Variants in RORA observed in about 807,000 individuals in gnomAD.
RORA encodes the protein nuclear receptor ROR-alpha.
A neutral mutation model predicts 69.5 loss-of-function variants in RORA; 7 were observed. That is an observed-to-expected ratio of 0.10 (90% CI 0.06 to 0.19). The LOEUF (loss-of-function observed/expected upper bound fraction) is 0.19. Among genes scored for constraint, RORA ranks in the 10% least tolerant of loss-of-function variants. The pLI is 1.00. For synonymous variants in RORA, 261 were observed against 240.8 expected, an observed-to-expected ratio of 1.08 and a Z score of -0.78; for missense variants, 457 against 663.0, an observed-to-expected ratio of 0.69 and a Z score of 3.41.
rs1356854929 is a variant in RORA at position 60,495,215 on chromosome 15, C to A, written c.*2240G>T. ...AAATAACTGAACTAAGCTTGGTACT[C>A]TTTTCAGAGTATAAATACTACTGAT... On this transcript the variant is annotated 3_prime_UTR_variant, in exon 11 of 11. Transcript: ENST00000335670. The A allele has an allele frequency of 6.6e-6, 1 of 152,124 alleles. No individual in the cohort carries two copies. The highest frequency in any genetic ancestry group is 1.5e-5 in the Non-Finnish European group (1 of 68,028). The allele number at this position is 152,124 out of a possible 1,614,324, so 9.4% of individuals were successfully genotyped here. A position where few individuals can be genotyped will look rare whatever the true frequency, so the allele number is the denominator to read the frequency against.
chr15:60,590,200 T>TCTCTCTCTC (rs1555434789), intron 2 of RORA, among the ~76,000 whole-genome samples: 3 of 151,640 alleles, frequency 2.0e-5, no homozygotes, highest in Non-Finnish European at 2.9e-5. Context: ...TCTCTCTCTC[T>TCTCTCTCTC]TTCAGGCAGC....
chr15:60,602,776 T>G (rs1276123908), intron 2 of RORA, among the ~76,000 whole-genome samples: 2 of 152,240 alleles, frequency 1.3e-5, no homozygotes, highest in Non-Finnish European at 2.9e-5. Context: ...CTTTTTAATC[T>G]TATTAAAATA....
chr15:60,676,357 T>C (rs934188416), intron 2 of RORA, among the ~76,000 whole-genome samples: 1 of 152,196 alleles, frequency 6.6e-6, no homozygotes, highest in African/African-American at 2.4e-5. Flanking sequence ...ACATGTAACT[T>C]GGACAATTCA....
At chr15:61,063,841 T>A (rs1025611864) in intron 1 of RORA, among the ~76,000 whole-genome samples, 1 of 152,224 alleles carries the variant, frequency 6.6e-6, no homozygotes, top group Non-Finnish European at 1.5e-5. Flanking sequence ...TGGTAAAACA[T>A]GAGCCAGCAT....
At chr15:61,120,788 G>A (rs117770687) in intron 1 of RORA, among the ~76,000 whole-genome samples, 187 of 150,424 alleles carry the variant, frequency 1.2e-3, no homozygotes, top group Middle Eastern at 7.0e-3. Context: ...TATATACTAC[G>A]GAGAAATTAA....
At chr15:60,921,404 A>C (rs937952676) in intron 1 of RORA, among the ~76,000 whole-genome samples, 27 of 152,236 alleles carry the variant, frequency 1.8e-4, no homozygotes, top group Admixed American at 1.0e-3. Context: ...ACAGAATGTT[A>C]GGCAGAAGAA....
At position 60,605,940 on chromosome 15, in the gene RORA, T is replaced by A. The variant is rs191484867; in HGVS notation, c.196+72717A>T. On this transcript the variant is annotated intron_variant, in intron 2 of 10. Transcript: ENST00000335670. ...TCCGCAGAGGCACATCACTTCTGAT[T>A]ATTCCCAGGCTATTTTAAATGATCT... Among the ~76,000 whole-genome samples the A allele has an allele frequency of 3.3e-5, 5 of 152,346 alleles. No homozygotes were observed. The East Asian group carries it at 9.6e-4, about 29-fold the overall frequency.
chr15:61,001,267 G>A (rs1377399205), intron 1 of RORA, among the ~76,000 whole-genome samples: 1 of 152,216 alleles, frequency 6.6e-6, no homozygotes, highest in Non-Finnish European at 1.5e-5. Flanking sequence ...ATCCCTGTGA[G>A]GGCGCAAGAG....
chr15:60,669,993 C>G (rs1340417210), intron 2 of RORA, among the ~76,000 whole-genome samples: 1 of 152,190 alleles, frequency 6.6e-6, no homozygotes. Flanking sequence ...CTAAGAAAAT[C>G]TGCCTGGCTC....
At chr15:61,173,352 A>G (rs1411289411) in intron 1 of RORA, among the ~76,000 whole-genome samples, 1 of 152,240 alleles carries the variant, frequency 6.6e-6, no homozygotes, top group African/African-American at 2.4e-5. Flanking sequence ...TCACCATATT[A>G]TGTTAATACA....
At chr15:60,765,916 T>C (rs2071982063) in intron 1 of RORA, among the ~76,000 whole-genome samples, 1 of 151,112 alleles carries the variant, frequency 6.6e-6, no homozygotes. Context: ...GTGAGAAGAA[T>C]AAACAAAAAG....
At chr15:61,038,254 T>C (rs192774629) in intron 1 of RORA, among the ~76,000 whole-genome samples, 1 of 152,310 alleles carries the variant, frequency 6.6e-6, no homozygotes, top group African/African-American at 2.4e-5. Context: ...TTGTTTTATG[T>C]AGCAATGAGA....
At chr15:61,199,821 C>T (rs1206518633) in intron 1 of RORA, among the ~76,000 whole-genome samples, 1 of 152,154 alleles carries the variant, frequency 6.6e-6, no homozygotes, top group Non-Finnish European at 1.5e-5. Flanking sequence ...TGGCATATAC[C>T]TGACTGAGGA....
chr15:60,702,091 G>C (rs567600791), intron 1 of RORA, among the ~76,000 whole-genome samples: 1 of 152,194 alleles, frequency 6.6e-6, no homozygotes, highest in Admixed American at 6.5e-5. Context: ...AGATGATGGA[G>C]TTTGAGGCTG....
chr15:60,935,669 T>G (rs902143179), intron 1 of RORA, among the ~76,000 whole-genome samples: 2 of 152,194 alleles, frequency 1.3e-5, no homozygotes, highest in Non-Finnish European at 2.9e-5. Context: ...TTAACCGGCC[T>G]TGAGGCCCAA....
intron 1 of RORA, among the ~76,000 whole-genome samples, chr15:61,203,758 G>A (rs1363565640): frequency 6.6e-6 from 1 of 152,172 alleles, no homozygotes; most frequent in Non-Finnish European, 1.5e-5. Context: ...ATATCATAGT[G>A]ACCCTGCAGA....
At chr15:60,590,201 T>TCTCTCTCTCTCTCTCTCTC (rs530043189) in intron 2 of RORA, among the ~76,000 whole-genome samples, 2 of 84,066 alleles carry the variant, frequency 2.4e-5, no homozygotes, top group African/African-American at 1.7e-4. Context: ...CTCTCTCTCT[T>TCTCTCTCTCTCTCTCTCTC]TCAGGCAGCT....
chr15:60,665,403 C>A (rs995207972), intron 2 of RORA, among the ~76,000 whole-genome samples: 1 of 152,168 alleles, frequency 6.6e-6, no homozygotes, highest in Non-Finnish European at 1.5e-5. Context: ...ATGGATAATG[C>A]AAACAAATGG....
chr15:60,721,680 A>T (rs2071295384), intron 1 of RORA, among the ~76,000 whole-genome samples: 1 of 152,266 alleles, frequency 6.6e-6, no homozygotes, highest in South Asian at 2.1e-4. Flanking sequence ...CACCTTCAAT[A>T]CACAAGGCTA....
Sources: allele counts gnomAD v4.1 joint callset (sites outside exome capture counted in the v4.1 genomes callset), GRCh38; gene constraint gnomAD v4.1.1; transcripts MANE v1.5; gene names NCBI Gene and HGNC (gene_info 2026-07-23, HGNC 2026-07-21).